The following KLKB1 variants were observed in gnomAD, a reference collection of about 807,000 sequenced individuals.
KLKB1 encodes the protein plasma kallikrein.
A neutral mutation model predicts 73.6 loss-of-function variants in KLKB1; 58 were observed. The ratio of observed to expected loss-of-function variants is 0.79; its 90% confidence interval spans 0.64 to 0.98. The LOEUF is 0.98. Among genes scored for constraint, KLKB1 ranks in the 50% least tolerant of loss-of-function variants. The probability of loss-of-function intolerance (pLI) is 0.00; values close to 1 mark genes in which losing one functional copy is unlikely to be tolerated. For missense variants in KLKB1, 737 were observed against 763.8 expected (o/e 0.96, Z 0.41); for synonymous variants, 280 against 258.1 (o/e 1.08, Z -0.81).
chr4:186,237,048 T>G (rs1737731157), intron 5 of KLKB1, 108 bp downstream of exon 5: 2 of 980,862 alleles, frequency 2.0e-6, no homozygotes, highest in Non-Finnish European at 3.2e-6. Context: ...AGGGCTTTTA[T>G]TCTAACCACT....
intron 6 of KLKB1, among the ~76,000 whole-genome samples, chr4:186,243,053 C>G (rs576677967): frequency 6.6e-6 from 1 of 152,188 alleles, no homozygotes; most frequent in Admixed American, 6.5e-5. Flanking sequence ...GTGAAAGTGT[C>G]TACCCAGACC....
At chr4:186,221,043 A>G (rs1034613563) in intron 2 of KLKB1, among the ~76,000 whole-genome samples, 1 of 152,084 alleles carries the variant, frequency 6.6e-6, no homozygotes, top group South Asian at 2.1e-4. Flanking sequence ...GGTAGGTTGT[A>G]TGTTCCTAGG....
intron 7 of KLKB1, among the ~76,000 whole-genome samples, chr4:186,250,866 C>T (rs4253375): frequency 0.011 from 1,639 of 152,306 alleles, 35 homozygotes; most frequent in African/African-American, 0.038. Context: ...CTGCACACAG[C>T]ATGGAGCTAA....
At chr4:186,221,593 G>T (rs556582834), upstream of KLKB1, among the ~76,000 whole-genome samples, 112 of 151,992 alleles carry the variant, frequency 7.4e-4, no homozygotes, top group African/African-American at 2.7e-3. Context: ...ATGTATTTGT[G>T]AATTTTCCAT....
upstream of KLKB1, among the ~76,000 whole-genome samples, chr4:186,223,615 A>G (rs1737078099): frequency 6.6e-6 from 1 of 152,244 alleles, no homozygotes; most frequent in South Asian, 2.1e-4. Context: ...TTCTAAGCAG[A>G]AAAGCATTCA....
chr4:186,254,622 G>A lies in KLKB1; in HGVS notation c.1348G>A (p.Gly450Ser). 1 of 1,613,988 alleles carries A rather than the reference G, an allele frequency of 6.2e-7. No homozygotes were observed. Among genetic ancestry groups the A allele is most frequent in the Non-Finnish European group, 8.5e-7 (1 of 1,179,918 alleles). The change falls in exon 12 of 15, where the codon GGC becomes AGC. Residue 450 changes from glycine to serine, a missense_variant. Physicochemically the swap from Gly to Ser is moderately conservative, Grantham distance 56. Coordinates refer to ENST00000264690, the MANE Select transcript of KLKB1 (RefSeq NM_000892.5). ...GCAGGATGTTTGGCGCATCTATAGT[G>A]GCATTTTAAATCTGTCAGACATTAC... ...PLQDVWRIYSGILNLSDITKD... is the reference protein window; with the variant it reads ...PLQDVWRIYSSILNLSDITKD...
chr4:186,228,152 G>A lies in KLKB1; in HGVS notation c.-1-43G>A, dbSNP rs575176016. ...CCTTAAATTAAGATTTATGTTAAAT[G>A]TGGTCTAAAACCAGCAGAGTTATGT... On this transcript the variant is annotated intron_variant, in intron 1 of 14. Coordinates refer to ENST00000264690, the MANE Select transcript of KLKB1 (RefSeq NM_000892.5). 1.3e-5 allele frequency: 14 copies of A among 1,068,342 alleles called. No homozygotes were observed. The South Asian group carries it at 1.8e-4, about 14-fold the overall frequency. The allele number at this position is 1,068,342 out of a possible 1,614,324, so 66.2% of individuals were successfully genotyped here. A position where few individuals can be genotyped will look rare whatever the true frequency, so the allele number is the denominator to read the frequency against.
At chr4:186,231,084 G>T (rs111601919) in intron 2 of KLKB1, among the ~76,000 whole-genome samples, 3,692 of 152,192 alleles carry the variant, frequency 0.024, 158 homozygotes, top group African/African-American at 0.085. Context: ...ATCCCCAGGG[G>T]GTAGGATAGT....
rs115755099 is a variant in KLKB1 at position 186,258,277 on chromosome 4, G to A, written c.*65G>A. On this transcript the variant is annotated 3_prime_UTR_variant, in exon 15 of 15. Coordinates refer to ENST00000264690, the MANE Select transcript of KLKB1 (RefSeq NM_000892.5). ...TCAAGTCAAATTCTGAGCCTGGGGG[G>A]TCCTCATCTGCAAAGCATGGAGAGT... 9.7e-6 allele frequency: 13 copies of A among 1,335,050 alleles called. No individual in the cohort carries two copies. Among genetic ancestry groups the A allele is most frequent in the Middle Eastern group, 2.4e-4 (1 of 4,200 alleles). The allele number at this position is 1,335,050 out of a possible 1,614,324, so 82.7% of individuals were successfully genotyped here. A position where few individuals can be genotyped will look rare whatever the true frequency, so the allele number is the denominator to read the frequency against.
intron 2 of KLKB1, among the ~76,000 whole-genome samples, chr4:186,219,161 G>A (rs1041609028): frequency 3.9e-5 from 6 of 152,062 alleles, no homozygotes; most frequent in Non-Finnish European, 1.5e-5. Flanking sequence ...GATTGAGGGT[G>A]GGTCTGCCTC....
In KLKB1 at chr4:186,245,824, G is replaced by GTTTTTTTTTTTT. The variant is rs1402408736; in HGVS notation, c.599-4418_599-4407dup. Among the ~76,000 whole-genome samples, 609 of 109,856 alleles carry GTTTTTTTTTTTT rather than the reference G, an allele frequency of 5.5e-3. 151 individuals carry two copies. Among genetic ancestry groups the GTTTTTTTTTTTT allele is most frequent in the Non-Finnish European group, 8.1e-3 (409 of 50,752 alleles). 72.1% of individuals were successfully genotyped at this position (109,856 alleles called of 152,430 possible). A position where few individuals can be genotyped will look rare whatever the true frequency, so the allele number is the denominator to read the frequency against. On this transcript the variant is annotated intron_variant, in intron 6 of 14. Coordinates refer to ENST00000264690, the MANE Select transcript of KLKB1 (RefSeq NM_000892.5). ...GGAGTTTTTTTTTGTTTGTTTTTTG[G>GTTTTTTTTTTTT]TTTTTTTTTTTTAATGTCAGGAGCT...
chr4:186,219,798 G>C (rs1736994148), intron 2 of KLKB1, among the ~76,000 whole-genome samples: 1 of 152,108 alleles, frequency 6.6e-6, no homozygotes. Context: ...CCTGGATTGG[G>C]CTGTTGTAGT....
At chr4:186,224,028 A>G (rs549112006), upstream of KLKB1, among the ~76,000 whole-genome samples, 8 of 152,354 alleles carry the variant, frequency 5.3e-5, no homozygotes, top group Non-Finnish European at 1.0e-4. Flanking sequence ...AAGGGTCCAT[A>G]GCTCAGGCTG....
chr4:186,215,413 C>G (rs1561442446), intron 2 of KLKB1, among the ~76,000 whole-genome samples: 1 of 11,824 alleles, frequency 8.5e-5, no homozygotes, highest in Non-Finnish European at 3.1e-4. Flanking sequence ...TCCTTGCTTT[C>G]TCTCTTGCTT....
At chr4:186,215,430 T>C (rs1441016770) in intron 2 of KLKB1, among the ~76,000 whole-genome samples, 2 of 140,214 alleles carry the variant, frequency 1.4e-5, no homozygotes, top group African/African-American at 5.1e-5. Context: ...GCTTTCTCTC[T>C]CTCTCTCCTT....
chr4:186,217,093 G>T (rs192923763), intron 2 of KLKB1, among the ~76,000 whole-genome samples: 1 of 152,230 alleles, frequency 6.6e-6, no homozygotes, highest in East Asian at 1.9e-4. Context: ...TTCTGATTTG[G>T]TTCACCTGAA....
At chr4:186,253,388 C>G (rs1283068814) in intron 11 of KLKB1, among the ~76,000 whole-genome samples, 4 of 152,146 alleles carry the variant, frequency 2.6e-5, no homozygotes, top group African/African-American at 9.7e-5. Flanking sequence ...GAGCAAGACC[C>G]CTCCACCTTG....
chr4:186,243,030 C>T (rs955159571), intron 6 of KLKB1, among the ~76,000 whole-genome samples: 1 of 151,864 alleles, frequency 6.6e-6, no homozygotes, highest in Non-Finnish European at 1.5e-5. Context: ...TGGGAAAGGC[C>T]TCTACCCATC....
intron 2 of KLKB1, chr4:186,210,908 C>G (rs1280183825): frequency 8.5e-6 from 3 of 350,940 alleles, no homozygotes; most frequent in African/African-American, 6.5e-5. Flanking sequence ...GTGATCTCAG[C>G]TCACTGCAAC....
Sources: allele counts gnomAD v4.1 joint callset (sites outside exome capture counted in the v4.1 genomes callset), GRCh38; gene constraint gnomAD v4.1.1; transcripts MANE v1.5; gene names NCBI Gene and HGNC (gene_info 2026-07-23, HGNC 2026-07-21).